ALX4: variants seen among roughly 807,000 people sequenced by gnomAD.
The protein encoded by ALX4 is ALX homeobox 4, also known as homeobox protein aristaless-like 4.
Under a neutral mutation model 40.6 loss-of-function variants are expected in ALX4, and 22 were observed. The ratio of observed to expected loss-of-function variants is 0.54; its 90% CI spans 0.39 to 0.77. The LOEUF is 0.77. Among genes scored for constraint, ALX4 ranks in the 30% least tolerant of loss-of-function variants. The pLI, the probability that ALX4 is intolerant of heterozygous loss-of-function variation, is 0.00. For missense variants in ALX4, 556 were observed against 564.8 expected (o/e 0.98, Z 0.16); for synonymous variants, 266 against 240.5 (o/e 1.11, Z -0.98).
At position 44,275,757 on chromosome 11, in the gene ALX4, G is replaced by A. The variant is rs560768905; in HGVS notation, c.467-99C>T. ...TGGGGCACTCGGGTAGCCACCCCCT[G>A]CCTTTTTCCTCTTAGAGCTCATTGG... On this transcript the variant is annotated intron_variant, in intron 1 of 3. Coordinates refer to ENST00000652299, the MANE Select transcript of ALX4 (RefSeq NM_021926.4). 4.5e-5 allele frequency: 53 copies of A among 1,183,584 alleles called. No individual in the cohort carries two copies. In the African/African-American group the frequency reaches 7.3e-4, roughly 16 times the overall value. 73.3% of individuals were successfully genotyped at this position (1,183,584 alleles called of 1,614,324 possible).
intron 1 of ALX4, among the ~76,000 whole-genome samples, chr11:44,284,344 C>T (rs1233653095): frequency 6.6e-6 from 1 of 152,060 alleles, no homozygotes; most frequent in African/African-American, 2.4e-5. Flanking sequence ...GGGCTCTGTG[C>T]TGTGGGATTA....
intron 1 of ALX4, among the ~76,000 whole-genome samples, chr11:44,280,492 G>A (rs977003556): frequency 5.3e-5 from 8 of 152,240 alleles, no homozygotes; most frequent in Non-Finnish European, 8.8e-5. Context: ...CCAGGGGTTG[G>A]ACTTCTCACA....
intron 1 of ALX4, among the ~76,000 whole-genome samples, chr11:44,282,799 AGATCACT>A (rs780578673): frequency 2.0e-5 from 3 of 152,222 alleles, no homozygotes; most frequent in Non-Finnish European, 2.9e-5. Context: ...TCTAGGCAAC[AGATCACT>A]GGTTGCCAGG....
chr11:44,273,305 CT>C (rs1283234777), intron 2 of ALX4, among the ~76,000 whole-genome samples: 2 of 151,764 alleles, frequency 1.3e-5, no homozygotes, highest in African/African-American at 4.8e-5. Flanking sequence ...TTCCAACATG[CT>C]TTGGGTTGGA....
At position 44,264,337 on chromosome 11, in the gene ALX4, G is replaced by A. The variant is rs4755797; in HGVS notation, c.*517C>T. On this transcript the variant is annotated 3_prime_UTR_variant, in exon 4 of 4. Coordinates refer to ENST00000652299, the MANE Select transcript of ALX4 (RefSeq NM_021926.4). ...CCTTGGCCCCAGCAGGTCGGATTCC[G>A]TGTGCTTTCAGGGAGAGAAAGATGG... 0.69 allele frequency: 112,146 copies of A among 163,024 alleles called. 39,445 individuals carry two copies. The highest frequency in any genetic ancestry group is 0.92 in the East Asian group (5,079 of 5,506). The allele number at this position is 163,024 out of a possible 1,614,324, so 10.1% of individuals were successfully genotyped here. A position where few individuals can be genotyped will look rare whatever the true frequency, so the allele number is the denominator to read the frequency against.
chr11:44,309,345 G>A (rs2119922375), intron 1 of ALX4, among the ~76,000 whole-genome samples: 1 of 152,382 alleles, frequency 6.6e-6, no homozygotes, highest in South Asian at 2.1e-4. Flanking sequence ...GGGAAATGCC[G>A]AAGGGACCGG....
chr11:44,309,742 C>A lies in ALX4; in HGVS notation c.321G>T (p.Pro107=). 3.3e-6 allele frequency: 5 copies of A among 1,534,914 alleles called. No individual in the cohort carries two copies. The highest frequency in any genetic ancestry group is 2.4e-5 in the East Asian group (1 of 41,072). ...GCTGGGGCTGCGGCTGCTGCTGCTG[C>A]GGCTGCGGCTGCGGCGGCGGCTGGG... is the stretch of plus-strand genomic sequence containing the variant. ...PQPQPPPQPQ[P]QQQQPQPQPP... The change falls in exon 1 of 4, where the codon CCG becomes CCT. Residue 107 remains proline, a synonymous_variant. Coordinates refer to ENST00000652299, the MANE Select transcript of ALX4 (RefSeq NM_021926.4).
intron 1 of ALX4, among the ~76,000 whole-genome samples, chr11:44,280,291 C>T (rs1956302092): frequency 6.6e-6 from 1 of 152,210 alleles, no homozygotes; most frequent in Non-Finnish European, 1.5e-5. Context: ...AACCAAGGTC[C>T]AGAAACCCAG....
intron 1 of ALX4, among the ~76,000 whole-genome samples, chr11:44,282,048 A>C (rs538906753): frequency 6.6e-6 from 1 of 152,336 alleles, no homozygotes; most frequent in South Asian, 2.1e-4. Flanking sequence ...AGACTAGAGG[A>C]GGCCAAGGAA....
intron 1 of ALX4, among the ~76,000 whole-genome samples, chr11:44,296,198 G>A (rs181716472): frequency 6.6e-5 from 10 of 152,292 alleles, no homozygotes; most frequent in African/African-American, 1.4e-4. Flanking sequence ...TCCCAAGACC[G>A]GTCGATGAGA....
At chr11:44,274,466 T>C (rs1250998870) in intron 2 of ALX4, among the ~76,000 whole-genome samples, 5 of 149,428 alleles carry the variant, frequency 3.3e-5, no homozygotes, top group Admixed American at 6.6e-5. Context: ...TTGCACTGAG[T>C]TGAGTTGAGT....
At chr11:44,287,595 CA>C (rs201040076) in intron 1 of ALX4, among the ~76,000 whole-genome samples, 7 of 130,656 alleles carry the variant, frequency 5.4e-5, no homozygotes, top group South Asian at 5.6e-4. Context: ...AGACCTGTCT[CA>C]AAAAAAAAAG....
intron 1 of ALX4, among the ~76,000 whole-genome samples, chr11:44,303,488 A>G (rs1035311710): frequency 6.6e-6 from 1 of 152,018 alleles, no homozygotes; most frequent in African/African-American, 2.4e-5. Flanking sequence ...GCGGAGCGCC[A>G]CGGTGACCCT....
chr11:44,290,323 G>A (rs1956362157), intron 1 of ALX4, among the ~76,000 whole-genome samples: 1 of 152,242 alleles, frequency 6.6e-6, no homozygotes. Context: ...AAGTCTTTGG[G>A]GTAGGACAGG....
Position 44,276,617 on chromosome 11 carries a change from C to T in ALX4, c.467-959G>A, listed in dbSNP as rs946119605. Among the ~76,000 whole-genome samples the T allele has an allele frequency of 5.1e-4, 78 of 152,254 alleles. 1 individual carries two copies. Among genetic ancestry groups the T allele is most frequent in the African/African-American group, 1.8e-3 (76 of 41,462 alleles). ...CTGGTGAGCTTCCTAGGCAGACACA[C>T]TCACCTCCTGGCAGAGGGTTTGGGA... is the stretch of plus-strand genomic sequence containing the variant. On this transcript the variant is annotated intron_variant, in intron 1 of 3. Coordinates refer to ENST00000652299, the MANE Select transcript of ALX4 (RefSeq NM_021926.4).
chr11:44,294,840 T>A (rs891925138), intron 1 of ALX4, among the ~76,000 whole-genome samples: 6 of 150,466 alleles, frequency 4.0e-5, no homozygotes, highest in African/African-American at 1.2e-4. Flanking sequence ...ATTTATTTAT[T>A]TATTTATTTA....
chr11:44,273,812 G>T (rs1018890883), intron 2 of ALX4, among the ~76,000 whole-genome samples: 5 of 152,134 alleles, frequency 3.3e-5, no homozygotes, highest in Non-Finnish European at 7.3e-5. Flanking sequence ...CTTATCCCAG[G>T]CGTGGTGGTG....
chr11:44,275,210 C>G (rs981064007), intron 2 of ALX4, 138 bp downstream of exon 2: 5 of 868,302 alleles, frequency 5.8e-6, no homozygotes, highest in Non-Finnish European at 9.3e-6. Flanking sequence ...TAGGAGCCCC[C>G]ACTTTCAGGT....
chr11:44,283,753 G>A (rs371426868), intron 1 of ALX4, among the ~76,000 whole-genome samples: 59 of 152,248 alleles, frequency 3.9e-4, no homozygotes, highest in African/African-American at 1.3e-3. Flanking sequence ...TAGTAGAGAC[G>A]GGGTTTCCTC....
Sources: gnomAD v4.1 joint callset for allele counts (sites outside exome capture counted in the v4.1 genomes callset) on GRCh38, gnomAD v4.1.1 for gene constraint, MANE v1.5 for transcripts, NCBI Gene and HGNC (gene_info 2026-07-23, HGNC 2026-07-21) for gene names.